The following PMS1 variants were observed in gnomAD, a reference collection of about 807,000 sequenced individuals.
PMS1 encodes PMS1 protein homolog 1.
A neutral mutation model predicts 93.1 loss-of-function variants in PMS1; 79 were observed. That is an observed-to-expected ratio of 0.85 (90% CI 0.71 to 1.02). PMS1 has a LOEUF of 1.02. PMS1 is among the 50% of genes least tolerant of loss of function. The probability of loss-of-function intolerance (pLI) is 0.00; values close to 1 mark genes in which losing one functional copy is unlikely to be tolerated. For missense variants in PMS1, 1,064 were observed against 1,085.3 expected, an observed-to-expected ratio of 0.98 and a Z score of 0.28; for synonymous variants, 335 against 363.4, an observed-to-expected ratio of 0.92 and a Z score of 0.89.
chr2:189,854,633 G>C lies in PMS1; in HGVS notation c.1361G>C (p.Ser454Thr). The change falls in exon 9 of 13, where the codon AGT becomes ACT. Residue 454 changes from serine (S) to threonine (T), a missense_variant. By Grantham distance (58) the Ser-to-Thr change is moderately conservative. Coordinates refer to ENST00000441310, the MANE Select transcript of PMS1 (RefSeq NM_000534.5). ...TGGGAGAACTCTCAGACGGAATATA[G>C]TAAAACTTGTTTTATAAGTTCCGTT... ...VSWENSQTEY[S>T]KTCFISSVKH... 1 of 1,613,938 alleles carries C rather than the reference G, an allele frequency of 6.2e-7. No individual in the cohort carries two copies. The highest frequency in any genetic ancestry group is 8.5e-7 in the Non-Finnish European group (1 of 1,179,910).
intron 4 of PMS1, among the ~76,000 whole-genome samples, chr2:189,807,380 G>T (rs2106284828): frequency 6.6e-6 from 1 of 152,184 alleles, no homozygotes; most frequent in Middle Eastern, 3.4e-3. Flanking sequence ...TATATCAAAG[G>T]TTAGGACAGA....
chr2:189,792,553 A>G (rs1053785591), intron 2 of PMS1, among the ~76,000 whole-genome samples: 33 of 151,722 alleles, frequency 2.2e-4, no homozygotes, highest in African/African-American at 7.2e-4. Flanking sequence ...TAATTATCAG[A>G]TATTTATGCT....
At chr2:189,822,659 TG>T in intron 5 of PMS1, among the ~76,000 whole-genome samples, 1 of 152,296 alleles carries the variant, frequency 6.6e-6, no homozygotes, top group East Asian at 1.9e-4. Context: ...TAGAAGATGT[TG>T]TCGTTAGTGA....
At chr2:189,809,517 C>T (rs1377132847) in intron 4 of PMS1, among the ~76,000 whole-genome samples, 6 of 105,810 alleles carry the variant, frequency 5.7e-5, no homozygotes, top group African/African-American at 1.8e-4. Context: ...AAAGACTTTT[C>T]CATAAGTATG....
chr2:189,846,851 C>T (rs112579153), intron 6 of PMS1, among the ~76,000 whole-genome samples: 8,015 of 150,540 alleles, frequency 0.053, 364 homozygotes, highest in African/African-American at 0.11. Context: ...ATACATTCCA[C>T]TTCTTTTTTT....
intron 12 of PMS1, among the ~76,000 whole-genome samples, chr2:189,875,955 C>CAAA (rs561168809): frequency 0.11 from 5,078 of 45,998 alleles, 508 homozygotes; most frequent in African/African-American, 0.2. Context: ...GACTCTGTCT[C>CAAA]AAAAAAAAAA....
intron 3 of PMS1, among the ~76,000 whole-genome samples, chr2:189,798,756 G>GTTTTTT (rs2049587934): frequency 1.6e-5 from 2 of 125,236 alleles, no homozygotes; most frequent in African/African-American, 6.2e-5. Flanking sequence ...ATAAGTATTT[G>GTTTTTT]ATTTTTTTTT....
rs758112220 is a variant in PMS1 at position 189,791,923 on chromosome 2, A to T, written c.114A>T (p.Thr38=). 3 of 1,613,992 alleles carry T rather than the reference A, an allele frequency of 1.9e-6. No individual in the cohort carries two copies. The highest frequency in any genetic ancestry group is 2.5e-6 in the Non-Finnish European group (3 of 1,179,844). The change falls in exon 2 of 13, where the codon ACA becomes ACT. Residue 38 remains threonine, a synonymous_variant. Coordinates refer to ENST00000441310, the MANE Select transcript of PMS1 (RefSeq NM_000534.5). ...LIENSLDAGA[T]SVDVKLENYG... ...AAAACTCCTTGGATGCTGGTGCCAC[A>T]AGCGTAGATGTTAAACTGGTGAGTG...
In PMS1 at chr2:189,809,848, C is replaced by T. The variant is rs564199956; in HGVS notation, c.418+4094C>T. Among the ~76,000 whole-genome samples the T allele has an allele frequency of 3.9e-5, 6 of 152,250 alleles. No homozygotes were observed. In the South Asian group the frequency reaches 1.0e-3, roughly 26 times the overall value. ...ACTCCATCTCAAAATAATGATAATT[C>T]TCATTTTACTTTCAGAGGATATTTT... On this transcript the variant is annotated intron_variant, in intron 4 of 12. Transcript: ENST00000441310.
intron 9 of PMS1, among the ~76,000 whole-genome samples, chr2:189,861,186 A>G (rs2055953268): frequency 6.6e-6 from 1 of 151,794 alleles, no homozygotes; most frequent in African/African-American, 2.4e-5. Flanking sequence ...AATATATTTC[A>G]GTATCTAATT....
chr2:189,868,148 A>G (rs561416874), intron 11 of PMS1, among the ~76,000 whole-genome samples: 8 of 152,224 alleles, frequency 5.3e-5, no homozygotes, highest in Non-Finnish European at 7.3e-5. Flanking sequence ...TTGCATTTTC[A>G]TAACTAATCA....
At chr2:189,787,443 G>A (rs2048456540) in intron 1 of PMS1, among the ~76,000 whole-genome samples, 1 of 152,054 alleles carries the variant, frequency 6.6e-6, no homozygotes, top group Admixed American at 6.6e-5. Flanking sequence ...GAAAAAAAAA[G>A]TTTTACAGTT....
intron 9 of PMS1, among the ~76,000 whole-genome samples, chr2:189,862,856 A>G (rs1392393148): frequency 6.6e-6 from 1 of 152,208 alleles, no homozygotes; most frequent in Non-Finnish European, 1.5e-5. Context: ...TTTCCCTGCA[A>G]TGGGCAGCAG....
chr2:189,873,320 A>C (rs547053885), intron 11 of PMS1, among the ~76,000 whole-genome samples, 176 bp from the exon 12 acceptor site: 4 of 152,222 alleles, frequency 2.6e-5, no homozygotes, highest in Non-Finnish European at 5.9e-5. Flanking sequence ...CTTATGACTT[A>C]ATGTGAGACC....
chr2:189,873,166 C>T (rs751007599), intron 11 of PMS1, among the ~76,000 whole-genome samples: 1 of 152,196 alleles, frequency 6.6e-6, no homozygotes, highest in Non-Finnish European at 1.5e-5. Context: ...TGTTAAAACA[C>T]TTAAACCAGT....
intron 2 of PMS1, among the ~76,000 whole-genome samples, chr2:189,793,801 A>C (rs2049100367): frequency 6.6e-6 from 1 of 152,230 alleles, no homozygotes; most frequent in Non-Finnish European, 1.5e-5. Flanking sequence ...ATACACCTTA[A>C]ATGTGTGGCT....
At chr2:189,834,240 G>A (rs1212537938) in intron 5 of PMS1, among the ~76,000 whole-genome samples, 1 of 152,206 alleles carries the variant, frequency 6.6e-6, no homozygotes, top group Non-Finnish European at 1.5e-5. Flanking sequence ...GACTATGTGG[G>A]CAGAGGTATT....
chr2:189,809,004 G>T (rs1016224287), intron 4 of PMS1, among the ~76,000 whole-genome samples: 1 of 151,976 alleles, frequency 6.6e-6, no homozygotes, highest in Non-Finnish European at 1.5e-5. Flanking sequence ...CAGTACTTCT[G>T]CCTTAGAAAT....
intron 5 of PMS1, among the ~76,000 whole-genome samples, chr2:189,826,396 G>A (rs1575160467): frequency 6.7e-6 from 1 of 149,752 alleles, no homozygotes; most frequent in African/African-American, 2.4e-5. Context: ...CATCTTTTCA[G>A]ATATATTTTA....
Sources: allele counts gnomAD v4.1 joint callset (sites outside exome capture counted in the v4.1 genomes callset), GRCh38; gene constraint gnomAD v4.1.1; transcripts MANE v1.5; gene names NCBI Gene and HGNC (gene_info 2026-07-23, HGNC 2026-07-21).